PDLIM4: variants seen among roughly 807,000 people sequenced by gnomAD.
PDLIM4 encodes the protein PDZ and LIM domain protein 4.
PDLIM4 carries 19 observed loss-of-function variants against 31.3 expected under a neutral mutation model. The observed-to-expected ratio is 0.61, with a 90% CI of 0.42 to 0.89. The LOEUF is 0.89. Among genes scored for constraint, PDLIM4 ranks in the 40% least tolerant of loss-of-function variants. The probability of loss-of-function intolerance (pLI) is 0.00; values close to 1 mark genes in which losing one functional copy is unlikely to be tolerated. For missense variants in PDLIM4, 442 were observed against 461.1 expected (o/e 0.96, Z 0.38); for synonymous variants, 176 against 190.1 (o/e 0.93, Z 0.61).
At chr5:132,271,548 C>A in intron 5 of PDLIM4, 82 bp downstream of exon 5, 2 of 1,416,878 alleles carry the variant, frequency 1.4e-6, no homozygotes, top group Non-Finnish European at 2.0e-6. Context: ...CCACGTCCCG[C>A]CTCGCAGTCA....
At chr5:132,264,376 A>G (rs1159325999) in intron 2 of PDLIM4, among the ~76,000 whole-genome samples, 1 of 152,190 alleles carries the variant, frequency 6.6e-6, no homozygotes, top group African/African-American at 2.4e-5. Context: ...ATTCTCTACT[A>G]TTACAGAGCT....
In PDLIM4 at chr5:132,272,740, C is replaced by T. The variant is rs1756659345; in HGVS notation, c.*511C>T. 5.2e-6 allele frequency: 1 copy of T among 193,640 alleles called. No individual in the cohort carries two copies. The highest frequency in any genetic ancestry group is 1.1e-5 in the Non-Finnish European group (1 of 91,618). 12.0% of individuals were successfully genotyped at this position (193,640 alleles called of 1,614,324 possible). On this transcript the variant is annotated 3_prime_UTR_variant, in exon 7 of 7. Coordinates refer to ENST00000253754, the MANE Select transcript of PDLIM4 (RefSeq NM_003687.4). ...GGGGTGGTGGTGGGGTGCTGGCAGC[C>T]TCAGGAGCGATCGCTCCCCTGGAGA... is the stretch of plus-strand genomic sequence containing the variant.
At position 132,271,782 on chromosome 5, in the gene PDLIM4, G is replaced by T; in HGVS notation, c.671-9G>T. On this transcript the variant is annotated splice_polypyrimidine_tract_variant and intron_variant, in intron 5 of 6. Transcript: ENST00000253754. ...ACCCCGTTCATGCCACCTACGCTCC[G>T]GGTTTCAGGGGATTGGCCCGGGCCT... 1 of 1,585,248 alleles carries T rather than the reference G, an allele frequency of 6.3e-7. No individual in the cohort carries two copies.
In PDLIM4 at chr5:132,272,711, G is replaced by A. The variant is rs1244054888; in HGVS notation, c.*482G>A. 1 of 207,150 alleles carries A rather than the reference G, an allele frequency of 4.8e-6. No individual in the cohort carries two copies. The highest frequency in any genetic ancestry group is 2.3e-5 in the African/African-American group (1 of 43,856). The allele number at this position is 207,150 out of a possible 1,614,324, so 12.8% of individuals were successfully genotyped here. A position where few individuals can be genotyped will look rare whatever the true frequency, so the allele number is the denominator to read the frequency against. On this transcript the variant is annotated 3_prime_UTR_variant, in exon 7 of 7. Coordinates refer to ENST00000253754, the MANE Select transcript of PDLIM4 (RefSeq NM_003687.4). ...CTGTGGCCGTCATCGGCACTAGCGG[G>A]TTGGGGGTGGTGGTGGGGTGCTGGC...
At chr5:132,258,228 T>C (rs776759393) in intron 1 of PDLIM4, among the ~76,000 whole-genome samples, 1 of 152,216 alleles carries the variant, frequency 6.6e-6, no homozygotes, top group Non-Finnish European at 1.5e-5. Flanking sequence ...CCTTCCCCTA[T>C]CAGGGGTCCC....
rs116186458 is a variant in PDLIM4 at position 132,268,185 on chromosome 5, A to C, written c.327+1640A>C. 4.4e-3 allele frequency among the ~76,000 whole-genome samples: 669 copies of C among 152,318 alleles called. 1 individual carries two copies. The highest frequency in any genetic ancestry group is 7.2e-3 in the Non-Finnish European group (491 of 68,016). The stretch of plus-strand genomic sequence containing the variant: ...ACTGGAGAAGGAGGGAGTTTCCACA[A>C]GCACCAGGGCAGCCCCTCAGCTGCT... On this transcript the variant is annotated intron_variant, in intron 3 of 6. Coordinates refer to ENST00000253754, the MANE Select transcript of PDLIM4 (RefSeq NM_003687.4).
At chr5:132,269,291 C>G (rs528850461) in intron 3 of PDLIM4, among the ~76,000 whole-genome samples, 1 of 151,808 alleles carries the variant, frequency 6.6e-6, no homozygotes, top group Admixed American at 6.6e-5. Flanking sequence ...TCCTTCCTCC[C>G]AGTCCCAGTC....
intron 1 of PDLIM4, among the ~76,000 whole-genome samples, chr5:132,259,137 C>CTGTGTGTGTG (rs70974028): frequency 0.035 from 5,116 of 146,146 alleles, 125 homozygotes; most frequent in Middle Eastern, 0.15. Flanking sequence ...AGGATTCCTG[C>CTGTGTGTGTG]TGTGTGTGTG....
chr5:132,271,619 T>C, intron 5 of PDLIM4, 153 bp downstream of exon 5: 1 of 958,378 alleles, frequency 1.0e-6, no homozygotes. Flanking sequence ...TGCTACGCCC[T>C]GGCTTCCCGA....
intron 3 of PDLIM4, among the ~76,000 whole-genome samples, chr5:132,270,687 G>C (rs2126679657): frequency 6.6e-6 from 1 of 152,364 alleles, no homozygotes; most frequent in South Asian, 2.1e-4. Context: ...TTTTGTGTCT[G>C]ACTTTCCAAG....
At position 132,259,388 on chromosome 5, in the gene PDLIM4, G is replaced by A. The variant is rs550373153; in HGVS notation, c.93+1561G>A. Among the ~76,000 whole-genome samples the A allele has an allele frequency of 2.0e-3, 302 of 152,192 alleles. 2 individuals carry two copies. The highest frequency in any genetic ancestry group is 6.5e-3 in the African/African-American group (272 of 41,530). On this transcript the variant is annotated intron_variant, in intron 1 of 6. Coordinates refer to ENST00000253754, the MANE Select transcript of PDLIM4 (RefSeq NM_003687.4). ...CTCCACACGTCACAGCTGCGGCTGCGGCAGCAGCAGCAGCAACAGCCTTGT... is the reference window on the plus strand; with the variant it reads ...CTCCACACGTCACAGCTGCGGCTGCAGCAGCAGCAGCAGCAACAGCCTTGT...
intron 1 of PDLIM4, among the ~76,000 whole-genome samples, chr5:132,258,865 C>T (rs1041713407): frequency 2.0e-5 from 3 of 152,214 alleles, no homozygotes; most frequent in African/African-American, 7.2e-5. Context: ...AGAGAAGCAC[C>T]TTCCCCCACC....
At chr5:132,267,274 G>A (rs1019140628) in intron 3 of PDLIM4, among the ~76,000 whole-genome samples, 3 of 152,172 alleles carry the variant, frequency 2.0e-5, no homozygotes, top group African/African-American at 7.2e-5. Context: ...ATTGCCTCCT[G>A]GGCCTGCCTT....
chr5:132,267,817 TA>T (rs1434036649), intron 3 of PDLIM4, among the ~76,000 whole-genome samples: 1 of 152,128 alleles, frequency 6.6e-6, no homozygotes, highest in Admixed American at 6.5e-5. Context: ...CAGCTGTTCT[TA>T]CAGGGATTCA....
chr5:132,259,573 C>T (rs1189457237), intron 1 of PDLIM4, among the ~76,000 whole-genome samples: 1 of 152,162 alleles, frequency 6.6e-6, no homozygotes, highest in Admixed American at 6.5e-5. Flanking sequence ...AGATTTACAG[C>T]GCTGGGGAGG....
intron 2 of PDLIM4, among the ~76,000 whole-genome samples, chr5:132,265,445 A>G (rs1756470807): frequency 6.6e-6 from 1 of 152,206 alleles, no homozygotes; most frequent in African/African-American, 2.4e-5. Context: ...GACAGGGACT[A>G]TGGGGCTGGT....
intron 3 of PDLIM4, among the ~76,000 whole-genome samples, chr5:132,269,959 G>A (rs1756569607): frequency 6.7e-6 from 1 of 149,450 alleles, no homozygotes; most frequent in African/African-American, 2.4e-5. Flanking sequence ...AGATTGGTAG[G>A]TGCATATGTG....
chr5:132,271,754 CTCACCCCGT>C, intron 5 of PDLIM4, 28 bp from the exon 6 acceptor site: 1 of 1,396,174 alleles, frequency 7.2e-7, no homozygotes, highest in Non-Finnish European at 1.0e-6. Context: ...TTCTGACCTC[CTCACCCCGT>C]TCATGCCACC....
At position 132,271,329 on chromosome 5, in the gene PDLIM4, G is replaced by C. The variant is rs372974233; in HGVS notation, c.533G>C (p.Arg178Pro). 4.4e-6 allele frequency: 7 copies of C among 1,597,684 alleles called. No homozygotes were observed. Among genetic ancestry groups the C allele is most frequent in the Non-Finnish European group, 6.0e-6 (7 of 1,173,560 alleles). Residue 178 changes from arginine to proline, a missense_variant, in exon 5 of 7, where the codon CGG becomes CCG. By Grantham distance (103) the Arg-to-Pro change is moderately radical. Coordinates refer to ENST00000253754, the MANE Select transcript of PDLIM4 (RefSeq NM_003687.4). ...PSADPARGLP[R>P]SRDCRVDLGS... ...GCTGACCCAGCCAGAGGCCTCCCGCGGAGCCGGGACTGCAGAGTCGACCTG... is the reference window on the plus strand; with the variant it reads ...GCTGACCCAGCCAGAGGCCTCCCGCCGAGCCGGGACTGCAGAGTCGACCTG...
Sources: allele counts gnomAD v4.1 joint callset (sites outside exome capture counted in the v4.1 genomes callset), GRCh38; gene constraint gnomAD v4.1.1; transcripts MANE v1.5; gene names NCBI Gene and HGNC (gene_info 2026-07-23, HGNC 2026-07-21).